DENND2C: variants seen among roughly 807,000 people sequenced by gnomAD.
DENND2C encodes the protein DENN domain-containing protein 2C.
In DENND2C, 72 loss-of-function variants were observed where a neutral mutation model predicts 112.4. The observed-to-expected ratio is 0.64, with a 90% confidence interval of 0.53 to 0.78. DENND2C has a LOEUF of 0.78. DENND2C is among the 30% of genes least tolerant of loss of function. The pLI, the probability that DENND2C is intolerant of heterozygous loss-of-function variation, is 0.00. For missense variants in DENND2C, 992 were observed against 1,113.8 expected (o/e 0.89, Z 1.56); for synonymous variants, 329 against 381.6 (o/e 0.86, Z 1.61).
chr1:114,585,582 T>C lies in DENND2C; in HGVS notation c.*18A>G, dbSNP rs201437846. 5.6e-6 allele frequency: 9 copies of C among 1,613,520 alleles called. No homozygotes were observed. The highest frequency in any genetic ancestry group is 3.3e-4 in the Middle Eastern group (2 of 6,010). On this transcript the variant is annotated 3_prime_UTR_variant, in exon 21 of 21. Coordinates refer to ENST00000393274, the MANE Select transcript of DENND2C (RefSeq NM_001256404.2). ...GGCACTTTCTGTTGTATATTCAGGA[T>C]GGAGACAATCAGAGATTTCATTTCT...
intron 3 of DENND2C, among the ~76,000 whole-genome samples, chr1:114,635,730 G>C (rs1481991472): frequency 6.6e-6 from 1 of 152,124 alleles, no homozygotes; most frequent in Non-Finnish European, 1.5e-5. Flanking sequence ...AAGTCCACTG[G>C]GCGCGATCAC....
chr1:114,624,011 C>G (rs944589365), intron 4 of DENND2C, among the ~76,000 whole-genome samples: 4 of 152,178 alleles, frequency 2.6e-5, no homozygotes, highest in Admixed American at 2.6e-4. Context: ...GCTAGGATTA[C>G]AGAAAATTCT....
At chr1:114,658,613 G>T (rs950748671) in intron 1 of DENND2C, among the ~76,000 whole-genome samples, 1 of 151,942 alleles carries the variant, frequency 6.6e-6, no homozygotes, top group Non-Finnish European at 1.5e-5. Flanking sequence ...AACTTCAAAT[G>T]AAACATTTTA....
Position 114,599,273 on chromosome 1 carries a change from C to A in DENND2C, c.2283+1G>T. On this transcript the variant is annotated splice_donor_variant, in intron 16 of 20. Coordinates refer to ENST00000393274, the MANE Select transcript of DENND2C (RefSeq NM_001256404.2). LOFTEE classifies it high-confidence loss of function. ...TATTAGGTTCCATTCTTCTATCTCA[C>A]CTCTTCAATGGGTAGGTCCTGGAGC... The A allele has an allele frequency of 6.2e-7, 1 of 1,602,210 alleles. No individual in the cohort carries two copies. Among genetic ancestry groups the A allele is most frequent in the Non-Finnish European group, 8.5e-7 (1 of 1,172,446 alleles).
In DENND2C at chr1:114,594,968, C is replaced by T. The variant is rs189156728; in HGVS notation, c.2326-390G>A. 1.1e-3 allele frequency among the ~76,000 whole-genome samples: 164 copies of T among 152,266 alleles called. 1 individual carries two copies. The highest frequency in any genetic ancestry group is 3.7e-3 in the African/African-American group (154 of 41,548). The stretch of plus-strand genomic sequence containing the variant: ...CACACTCCTACATACAGGTTATATG[C>T]GGAGGGCTGCTCTGAGGAGGCTTTA... On this transcript the variant is annotated intron_variant, in intron 17 of 20. Transcript: ENST00000393274.
At chr1:114,634,014 A>G (rs948117728) in intron 3 of DENND2C, among the ~76,000 whole-genome samples, 2 of 152,240 alleles carry the variant, frequency 1.3e-5, no homozygotes, top group African/African-American at 2.4e-5. Flanking sequence ...TGAGCAAGAA[A>G]TAACAGCAGT....
intron 1 of DENND2C, among the ~76,000 whole-genome samples, chr1:114,660,939 T>C (rs1657472434): frequency 6.6e-6 from 1 of 151,754 alleles, no homozygotes; most frequent in East Asian, 1.9e-4. Context: ...GGTGAAACCC[T>C]GTCTCTACTA....
intron 12 of DENND2C, 107 bp downstream of exon 12, chr1:114,602,018 T>C: frequency 9.4e-7 from 1 of 1,065,950 alleles, no homozygotes; most frequent in Non-Finnish European, 1.4e-6. Flanking sequence ...AATACACAGA[T>C]CATTGAGCAT....
Position 114,587,570 on chromosome 1 carries a change from C to G in DENND2C, c.2669-97G>C, listed in dbSNP as rs1052372744. The stretch of plus-strand genomic sequence containing the variant: ...TATAACCAGTGTATTATTTCCAGGG[C>G]TAAAACAATATTACAAAATAATTCT... On this transcript the variant is annotated intron_variant, in intron 19 of 20. Coordinates refer to ENST00000393274, the MANE Select transcript of DENND2C (RefSeq NM_001256404.2). The G allele has an allele frequency of 2.7e-6, 4 of 1,470,668 alleles. No individual in the cohort carries two copies. The African/African-American group carries it at 5.6e-5, about 21-fold the overall frequency. 91.1% of individuals were successfully genotyped at this position (1,470,668 alleles called of 1,614,324 possible). A position where few individuals can be genotyped will look rare whatever the true frequency, so the allele number is the denominator to read the frequency against.
chr1:114,641,934 T>C (rs1458849076), intron 3 of DENND2C, among the ~76,000 whole-genome samples: 5 of 152,094 alleles, frequency 3.3e-5, no homozygotes, highest in Admixed American at 1.3e-4. Context: ...ATATATCATA[T>C]ATATACACAC....
chr1:114,601,316 G>T lies in DENND2C; in HGVS notation c.1815+192C>A, dbSNP rs146545111. ...GACTATGTTCTCCCTTAAGCTGAAA[G>T]TTCTAGCAAACCAAAATGAAGATGA... On this transcript the variant is annotated intron_variant, in intron 13 of 20. Transcript: ENST00000393274. Among the ~76,000 whole-genome samples, 178 of 152,304 alleles carry T rather than the reference G, an allele frequency of 1.2e-3. 2 individuals carry two copies. In the East Asian group the frequency reaches 0.026, roughly 22 times the overall value.
chr1:114,667,957 C>G (rs6537843), intron 1 of DENND2C, among the ~76,000 whole-genome samples: 1 of 152,246 alleles, frequency 6.6e-6, no homozygotes, highest in Admixed American at 6.5e-5. Context: ...CTGGCACAGA[C>G]TAGGTACCAA....
At chr1:114,663,892 C>T (rs1344120526) in intron 1 of DENND2C, among the ~76,000 whole-genome samples, 3 of 151,678 alleles carry the variant, frequency 2.0e-5, no homozygotes, top group Non-Finnish European at 4.4e-5. Context: ...TTAATATTTG[C>T]TATCTAGCCC....
chr1:114,633,257 C>G (rs1656544596), intron 3 of DENND2C, among the ~76,000 whole-genome samples: 1 of 151,460 alleles, frequency 6.6e-6, no homozygotes, highest in Non-Finnish European at 1.5e-5. Flanking sequence ...TCGGCCTGGC[C>G]AACATTGTGA....
In DENND2C at chr1:114,622,988, T is replaced by C; in HGVS notation, c.1055A>G (p.Lys352Arg). The C allele has an allele frequency of 2.5e-6, 4 of 1,608,314 alleles. No individual in the cohort carries two copies. The highest frequency in any genetic ancestry group is 3.4e-6 in the Non-Finnish European group (4 of 1,176,046). ...CTTCAATTCATTATCTGGTTATACC[T>C]TGGGTGCTTTAAAAGCACTTTTAGC... is the stretch of plus-strand genomic sequence containing the variant. ...PPAKSAFKAP[K>R]LPPKPQFLHR... Residue 352 changes from lysine (K) to arginine (R), a missense_variant and splice_region_variant, in exon 6 of 21, where the codon AAG becomes AGG. Physicochemically the swap from Lys to Arg is conservative, Grantham distance 26 (BLOSUM62 2). Coordinates refer to ENST00000393274, the MANE Select transcript of DENND2C (RefSeq NM_001256404.2).
Position 114,602,673 on chromosome 1 carries a change from C to G in DENND2C, c.1668-479G>C, listed in dbSNP as rs150445822. Among the ~76,000 whole-genome samples, 979 of 152,246 alleles carry G rather than the reference C, an allele frequency of 6.4e-3. 13 individuals are homozygous for G. The highest frequency in any genetic ancestry group is 0.022 in the African/African-American group (922 of 41,540). On this transcript the variant is annotated intron_variant, in intron 11 of 20. Transcript: ENST00000393274. ...GACCTCCTGGGGCTCAAGTGATCCT[C>G]CCACCTCAGCCTCCCAAGTAGCTGG...
intron 20 of DENND2C, among the ~76,000 whole-genome samples, chr1:114,586,306 T>C (rs1426879475): frequency 1.3e-5 from 2 of 152,178 alleles, no homozygotes; most frequent in Non-Finnish European, 2.9e-5. Flanking sequence ...GTACCAAAGA[T>C]AGACTTCATG....
chr1:114,667,385 C>T (rs1264304756), intron 1 of DENND2C, among the ~76,000 whole-genome samples: 4 of 152,116 alleles, frequency 2.6e-5, no homozygotes, highest in Non-Finnish European at 5.9e-5. Context: ...ATTTTCTCTT[C>T]TTGAATCTAA....
intron 3 of DENND2C, among the ~76,000 whole-genome samples, chr1:114,641,285 AAAAG>A (rs1341656570): frequency 6.6e-6 from 1 of 151,926 alleles, no homozygotes; most frequent in Non-Finnish European, 1.5e-5. Context: ...AAAGAAAAGA[AAAAG>A]AAAAAAAATC....
Sources: gnomAD v4.1 joint callset for allele counts (sites outside exome capture counted in the v4.1 genomes callset) on GRCh38, gnomAD v4.1.1 for gene constraint, MANE v1.5 for transcripts, NCBI Gene and HGNC (gene_info 2026-07-23, HGNC 2026-07-21) for gene names.